LAMA2: variants seen among roughly 807,000 people sequenced by gnomAD.
The protein encoded by LAMA2 is laminin subunit alpha-2.
Under a neutral mutation model 364.8 loss-of-function variants are expected in LAMA2, and 269 were observed. The observed-to-expected ratio is 0.74, with a 90% CI of 0.67 to 0.82. The LOEUF (loss-of-function observed/expected upper bound fraction) is 0.82, where lower values mean the gene tolerates loss of function less well. Ranked by LOEUF, LAMA2 falls within the 40% of genes least tolerant of loss-of-function variation. The pLI is 0.00. For missense variants in LAMA2, 3,807 were observed against 3,873.2 expected (o/e 0.98, Z 0.45); for synonymous variants, 1,379 against 1,370.6 (o/e 1.01, Z -0.14).
intron 41 of LAMA2, among the ~76,000 whole-genome samples, chr6:129,434,020 A>G (rs1231325271): frequency 6.6e-6 from 1 of 152,164 alleles, no homozygotes; most frequent in Non-Finnish European, 1.5e-5. Flanking sequence ...TGTGTCCTAT[A>G]GTGATTTCAT....
intron 12 of LAMA2, among the ~76,000 whole-genome samples, chr6:129,241,215 G>T (rs904846751): frequency 1.3e-5 from 2 of 152,146 alleles, no homozygotes; most frequent in Non-Finnish European, 1.5e-5. Flanking sequence ...TTAAAATTCA[G>T]CAGATACTTA....
In LAMA2 at chr6:129,144,019, C is replaced by T. The variant is rs1240982123; in HGVS notation, c.758C>T (p.Ala253Val). 6.2e-6 allele frequency: 10 copies of T among 1,612,544 alleles called. No individual in the cohort carries two copies. The highest frequency in any genetic ancestry group is 8.5e-6 in the Non-Finnish European group (10 of 1,179,088). The change falls in exon 5 of 65, where the codon GCT (alanine) becomes GTT (valine). Residue 253 changes from alanine (A) to valine (V), a missense_variant. Physicochemically the swap from Ala to Val is moderately conservative, Grantham distance 64. Transcript: ENST00000421865. ...LRFQRIRTLN[A>V]DLMMFAHKDP... is the part of the protein sequence containing the mutation. Reference sequence around the variant, plus strand: ...TTTCAGAGGATCCGCACACTGAATGCTGACTTGATGATGTTTGCTCACAAA... The same window carrying T: ...TTTCAGAGGATCCGCACACTGAATGTTGACTTGATGATGTTTGCTCACAAA...
intron 3 of LAMA2, among the ~76,000 whole-genome samples, chr6:129,068,198 A>C (rs1228824284): frequency 6.6e-6 from 1 of 152,222 alleles, no homozygotes; most frequent in African/African-American, 2.4e-5. Flanking sequence ...ATCTTATTGA[A>C]TCTGAGAATT....
chr6:129,027,337 T>G (rs1785894026), intron 1 of LAMA2, among the ~76,000 whole-genome samples: 1 of 152,040 alleles, frequency 6.6e-6, no homozygotes. Flanking sequence ...TTGCACATAT[T>G]TTCACCCCAC....
intron 1 of LAMA2, among the ~76,000 whole-genome samples, chr6:128,926,902 A>T (rs1779138053): frequency 6.6e-6 from 1 of 152,234 alleles, no homozygotes; most frequent in Non-Finnish European, 1.5e-5. Context: ...GCTAACAAAG[A>T]TGAAATAGAG....
In LAMA2 at chr6:129,267,057, C is replaced by CT. The variant is rs1342759118; in HGVS notation, c.2209-44dup. On this transcript the variant is annotated intron_variant, in intron 15 of 64. Coordinates refer to ENST00000421865, the MANE Select transcript of LAMA2 (RefSeq NM_000426.4). ...AACAAACACAAACAAACAAAAACAC[C>CT]TTTTTGTTTTAATCTCCAAGACTGA... 3 of 1,188,762 alleles carry CT rather than the reference C, an allele frequency of 2.5e-6. No individual in the cohort carries two copies. In the East Asian group the frequency reaches 7.0e-5, roughly 28 times the overall value. 73.6% of individuals were successfully genotyped at this position (1,188,762 alleles called of 1,614,324 possible).
At chr6:129,011,575 G>A (rs954014352) in intron 1 of LAMA2, among the ~76,000 whole-genome samples, 1 of 152,054 alleles carries the variant, frequency 6.6e-6, no homozygotes, top group Admixed American at 6.6e-5. Context: ...CAGGTGGCTC[G>A]TCCATCTCTG....
chr6:128,923,608 T>C (rs1014028306), intron 1 of LAMA2, among the ~76,000 whole-genome samples: 13 of 152,140 alleles, frequency 8.5e-5, no homozygotes, highest in Non-Finnish European at 1.6e-4. Context: ...AAGATATAGA[T>C]AGTAGAATGA....
At chr6:129,098,661 A>G (rs1021403257) in intron 4 of LAMA2, among the ~76,000 whole-genome samples, 8 of 152,210 alleles carry the variant, frequency 5.3e-5, no homozygotes, top group Admixed American at 3.9e-4. Flanking sequence ...TGGAAAGTCA[A>G]TGATTAATTT....
At chr6:129,265,576 G>A (rs1787447196) in intron 15 of LAMA2, among the ~76,000 whole-genome samples, 1 of 152,024 alleles carries the variant, frequency 6.6e-6, no homozygotes, top group African/African-American at 2.4e-5. Flanking sequence ...ATGTAATGGG[G>A]AGAAATGGGA....
At chr6:129,394,314 T>C (rs17057233) in intron 37 of LAMA2, among the ~76,000 whole-genome samples, 10,815 of 152,304 alleles carry the variant, frequency 0.071, 411 homozygotes, top group South Asian at 0.14. Flanking sequence ...ATATAGTATG[T>C]ATGTAGAAAT....
intron 37 of LAMA2, among the ~76,000 whole-genome samples, chr6:129,394,957 G>T (rs1022807058): frequency 2.6e-5 from 4 of 152,122 alleles, no homozygotes; most frequent in African/African-American, 9.7e-5. Context: ...AAAGTTACTG[G>T]ATAAAATAGA....
In LAMA2 at chr6:129,238,326, T is replaced by C. The variant is rs951944669; in HGVS notation, c.1783-11786T>C. Reference sequence around the variant, plus strand: ...AATAAATTCTATCTGCCTGTTACTATAGAACATGAAGAATGGGTTCTGTGT... The same window carrying C: ...AATAAATTCTATCTGCCTGTTACTACAGAACATGAAGAATGGGTTCTGTGT... On this transcript the variant is annotated intron_variant, in intron 12 of 64. Coordinates refer to ENST00000421865, the MANE Select transcript of LAMA2 (RefSeq NM_000426.4). Among the ~76,000 whole-genome samples the C allele has an allele frequency of 7.2e-5, 11 of 152,314 alleles. No individual in the cohort carries two copies. In the South Asian group the frequency reaches 2.3e-3, roughly 32 times the overall value.
chr6:129,415,280 T>A (rs1417980467), intron 40 of LAMA2, among the ~76,000 whole-genome samples: 1 of 152,216 alleles, frequency 6.6e-6, no homozygotes. Context: ...TTTTATTCCT[T>A]AAAGGACTCC....
At chr6:129,120,229 C>T (rs1317071998) in intron 4 of LAMA2, among the ~76,000 whole-genome samples, 1 of 152,012 alleles carries the variant, frequency 6.6e-6, no homozygotes, top group Non-Finnish European at 1.5e-5. Flanking sequence ...ATGCGTGAGT[C>T]ATCAACACAA....
Position 129,314,636 on chromosome 6 carries a change from G to T in LAMA2, c.3412-19G>T, listed in dbSNP as rs772360357. ...AACTTTGCCGTTATAAACTCTGAGG[G>T]TCTCTTGTCTTTCCTCAGGTGAATG... On this transcript the variant is annotated intron_variant, in intron 23 of 64. Transcript: ENST00000421865. The T allele has an allele frequency of 1.9e-6, 3 of 1,612,478 alleles. No homozygotes were observed. The highest frequency in any genetic ancestry group is 2.2e-5 in the South Asian group (2 of 90,956).
chr6:129,369,620 C>T (rs532240101), intron 33 of LAMA2, among the ~76,000 whole-genome samples: 1 of 152,184 alleles, frequency 6.6e-6, no homozygotes, highest in South Asian at 2.1e-4. Flanking sequence ...AATGCTTACC[C>T]CCCATAGAGC....
intron 29 of LAMA2, among the ~76,000 whole-genome samples, chr6:129,338,112 C>T (rs1776059042): frequency 6.6e-6 from 1 of 152,086 alleles, no homozygotes; most frequent in African/African-American, 2.4e-5. Context: ...ATTATGTAGA[C>T]TTACAGGTAT....
chr6:129,272,036 T>G (rs1787975097), intron 17 of LAMA2, among the ~76,000 whole-genome samples: 1 of 152,180 alleles, frequency 6.6e-6, no homozygotes, highest in African/African-American at 2.4e-5. Context: ...CCTTCTTTAC[T>G]CAGAATTTTT....
Sources: gnomAD v4.1 joint callset for allele counts (sites outside exome capture counted in the v4.1 genomes callset) on GRCh38, gnomAD v4.1.1 for gene constraint, MANE v1.5 for transcripts, NCBI Gene and HGNC (gene_info 2026-07-23, HGNC 2026-07-21) for gene names.